Variants in TMC1 observed in about 807,000 individuals in gnomAD.
TMC1 encodes transmembrane channel like 1, also known as transmembrane channel-like protein 1.
In TMC1, 84 loss-of-function variants were observed where a neutral mutation model predicts 105.8. The observed-to-expected ratio is 0.79, with a 90% CI of 0.67 to 0.95. TMC1 has a LOEUF of 0.95. Ranked by LOEUF, TMC1 falls within the 40% of genes least tolerant of loss-of-function variation. The probability of loss-of-function intolerance (pLI) is 0.00; values close to 1 mark genes in which losing one functional copy is unlikely to be tolerated. For synonymous variants in TMC1, 315 were observed against 311.5 expected, an observed-to-expected ratio of 1.01 and a Z score of -0.12; for missense variants, 817 against 914.1, an observed-to-expected ratio of 0.89 and a Z score of 1.37.
intron 18 of TMC1, chr9:72,809,153 G>A (rs1350748945): frequency 6.6e-6 from 1 of 152,156 alleles, no homozygotes; most frequent in African/African-American, 2.4e-5. Flanking sequence ...TTAGACCATT[G>A]CTTGGCTTGT....
At chr9:72,645,421 C>T (rs895446608) in intron 4 of TMC1, among the ~76,000 whole-genome samples, 3 of 152,092 alleles carry the variant, frequency 2.0e-5, no homozygotes, top group Admixed American at 1.3e-4. Context: ...ACCCTGAAGC[C>T]AAAGCACAAT....
chr9:72,800,914 A>T (rs544207812), intron 17 of TMC1, among the ~76,000 whole-genome samples: 66 of 152,314 alleles, frequency 4.3e-4, no homozygotes, highest in African/African-American at 1.6e-3. Context: ...CCTTTAAGAG[A>T]TCAATATCTG....
chr9:72,542,215 C>G (rs987353758), intron 1 of TMC1, among the ~76,000 whole-genome samples: 5 of 152,084 alleles, frequency 3.3e-5, no homozygotes, highest in African/African-American at 1.2e-4. Flanking sequence ...AATTCCAGTA[C>G]TTTGGGAGGC....
intron 16 of TMC1, 37 bp from the exon 17 acceptor site, chr9:72,792,154 T>C: frequency 1.2e-6 from 2 of 1,614,018 alleles, no homozygotes; most frequent in Non-Finnish European, 1.7e-6. Flanking sequence ...GAAATCTCTG[T>C]TGTCTTCATT....
intron 1 of TMC1, among the ~76,000 whole-genome samples, chr9:72,530,644 A>G (rs1823484036): frequency 6.7e-6 from 1 of 148,986 alleles, no homozygotes; most frequent in South Asian, 2.1e-4. Context: ...TCTCTTTTGT[A>G]TTTTTCATCT....
chr9:72,662,434 T>G (rs1381377653), intron 5 of TMC1, among the ~76,000 whole-genome samples: 1 of 151,280 alleles, frequency 6.6e-6, no homozygotes. Context: ...TGACCTCAGG[T>G]AATCCACTGG....
At chr9:72,717,642 G>A (rs1453801334) in intron 8 of TMC1, among the ~76,000 whole-genome samples, 1 of 152,156 alleles carries the variant, frequency 6.6e-6, no homozygotes, top group African/African-American at 2.4e-5. Context: ...CTAGCCTGTA[G>A]GGTTTCTGCT....
chr9:72,835,922 T>C, intron 23 of TMC1, 29 bp from the exon 24 acceptor site: 1 of 1,530,194 alleles, frequency 6.5e-7, no homozygotes, highest in African/African-American at 1.4e-5. Flanking sequence ...CTTGTTTTTT[T>C]TTTTTTTTTT....
chr9:72,634,897 C>T (rs999323102), intron 4 of TMC1, among the ~76,000 whole-genome samples: 4 of 152,182 alleles, frequency 2.6e-5, no homozygotes, highest in African/African-American at 4.8e-5. Context: ...ATGAAGCTTC[C>T]GTGCATTCTT....
intron 18 of TMC1, among the ~76,000 whole-genome samples, chr9:72,814,549 T>C (rs1828752270): frequency 6.6e-6 from 1 of 152,150 alleles, no homozygotes; most frequent in Non-Finnish European, 1.5e-5. Flanking sequence ...GTTATCCAGG[T>C]CATCTTTGTT....
At chr9:72,538,585 C>A (rs903459584) in intron 1 of TMC1, among the ~76,000 whole-genome samples, 1 of 151,966 alleles carries the variant, frequency 6.6e-6, no homozygotes, top group African/African-American at 2.4e-5. Flanking sequence ...TACAGGTGTC[C>A]ACCACCATGC....
intron 18 of TMC1, among the ~76,000 whole-genome samples, chr9:72,812,790 A>G (rs1159132493): frequency 6.6e-6 from 1 of 152,240 alleles, no homozygotes; most frequent in Non-Finnish European, 1.5e-5. Context: ...ATTCCACAAC[A>G]GAATTAATTC....
intron 23 of TMC1, among the ~76,000 whole-genome samples, chr9:72,834,044 G>A (rs1478041773): frequency 7.1e-6 from 1 of 141,544 alleles, no homozygotes; most frequent in South Asian, 2.2e-4. Context: ...TTTTTTTCAT[G>A]TAGAATTTCT....
At chr9:72,786,365 TC>T (rs1828167428) in intron 13 of TMC1, among the ~76,000 whole-genome samples, 1 of 151,822 alleles carries the variant, frequency 6.6e-6, no homozygotes, top group Non-Finnish European at 1.5e-5. Context: ...AATGGCGTGA[TC>T]CCGGGAGGCG....
intron 8 of TMC1, among the ~76,000 whole-genome samples, chr9:72,727,698 T>C (rs2793166): frequency 2.0e-5 from 3 of 151,858 alleles, no homozygotes; most frequent in Non-Finnish European, 4.4e-5. Flanking sequence ...TTCATTTGTG[T>C]GTTTTAGGTC....
At chr9:72,756,657 A>T (rs1827680782) in intron 12 of TMC1, among the ~76,000 whole-genome samples, 1 of 152,218 alleles carries the variant, frequency 6.6e-6, no homozygotes, top group Admixed American at 6.5e-5. Context: ...GACGAAGATC[A>T]CTGACTTTTT....
chr9:72,743,947 A>G (rs1827442853), intron 10 of TMC1, among the ~76,000 whole-genome samples: 1 of 152,350 alleles, frequency 6.6e-6, no homozygotes, highest in East Asian at 1.9e-4. Context: ...ATTTCCATCC[A>G]TTCCTCTCTA....
chr9:72,649,415 T>A (rs769560116), intron 5 of TMC1, among the ~76,000 whole-genome samples: 6 of 152,192 alleles, frequency 3.9e-5, no homozygotes, highest in Non-Finnish European at 8.8e-5. Flanking sequence ...CTAGTCCAGA[T>A]AATCTTGCTA....
At position 72,658,549 on chromosome 9, in the gene TMC1, C is replaced by A. The variant is rs186339291; in HGVS notation, c.16+9885C>A. On this transcript the variant is annotated intron_variant, in intron 5 of 23. Transcript: ENST00000297784. ...CTAATTTTTAACTCTCTATCCTAGA[C>A]AACTTTTGCTAAACGTGTATAACAT... is the stretch of plus-strand genomic sequence containing the variant. Among the ~76,000 whole-genome samples the A allele has an allele frequency of 3.9e-5, 6 of 152,272 alleles. No homozygotes were observed. In the East Asian group the frequency reaches 9.7e-4, roughly 24 times the overall value.
Sources: gnomAD v4.1 joint callset for allele counts (sites outside exome capture counted in the v4.1 genomes callset) on GRCh38, gnomAD v4.1.1 for gene constraint, MANE v1.5 for transcripts, NCBI Gene and HGNC (gene_info 2026-07-23, HGNC 2026-07-21) for gene names.